RIMS2: variants seen among roughly 807,000 people sequenced by gnomAD.
RIMS2 encodes the protein regulating synaptic membrane exocytosis 2.
Under a neutral mutation model 174.4 loss-of-function variants are expected in RIMS2, and 59 were observed. The observed-to-expected ratio is 0.34, with a 90% confidence interval of 0.27 to 0.42. The LOEUF (loss-of-function observed/expected upper bound fraction) is 0.42, where lower values mean the gene tolerates loss of function less well. Among genes scored for constraint, RIMS2 ranks in the 10% least tolerant of loss-of-function variants. The pLI is 1.00. For missense variants in RIMS2, 1,620 were observed against 1,666.3 expected (o/e 0.97, Z 0.48); for synonymous variants, 606 against 572.5 (o/e 1.06, Z -0.84).
intron 3 of RIMS2, among the ~76,000 whole-genome samples, chr8:103,841,607 G>C (rs1039960051): frequency 6.6e-6 from 1 of 152,038 alleles, no homozygotes; most frequent in African/African-American, 2.4e-5. Context: ...AAATCTTACA[G>C]ATGGTTCTGA....
intron 17 of RIMS2, among the ~76,000 whole-genome samples, chr8:103,999,074 T>C (rs2095270324): frequency 1.3e-5 from 2 of 151,660 alleles, no homozygotes; most frequent in South Asian, 4.1e-4. Context: ...AGAAATAATG[T>C]GGTGGAAGGC....
At chr8:103,607,594 G>T (rs2095172319) in intron 1 of RIMS2, among the ~76,000 whole-genome samples, 1 of 145,792 alleles carries the variant, frequency 6.9e-6, no homozygotes, top group South Asian at 2.1e-4. Context: ...CCTGCAGAGT[G>T]TTTTCCAACT....
chr8:103,524,396 G>A (rs1255471502), intron 1 of RIMS2, among the ~76,000 whole-genome samples: 2 of 152,124 alleles, frequency 1.3e-5, no homozygotes, highest in Non-Finnish European at 2.9e-5. Flanking sequence ...CGAAAGTTGT[G>A]TGATTAAGAA....
At chr8:103,749,778 A>G (rs970883145) in intron 2 of RIMS2, among the ~76,000 whole-genome samples, 3 of 152,124 alleles carry the variant, frequency 2.0e-5, no homozygotes, top group African/African-American at 7.2e-5. Flanking sequence ...TAAAGGGATC[A>G]GGTGATTACA....
intron 19 of RIMS2, among the ~76,000 whole-genome samples, chr8:104,113,959 A>G (rs2098238576): frequency 6.6e-6 from 1 of 151,992 alleles, no homozygotes; most frequent in Admixed American, 6.6e-5. Flanking sequence ...AAAAATAACC[A>G]CAAATAAGGA....
chr8:103,911,426 A>G (rs2075647480), intron 5 of RIMS2, among the ~76,000 whole-genome samples: 1 of 152,172 alleles, frequency 6.6e-6, no homozygotes, highest in Non-Finnish European at 1.5e-5. Context: ...CCTCTGAGAA[A>G]TGAGAACTGT....
intron 3 of RIMS2, among the ~76,000 whole-genome samples, chr8:103,835,392 T>C (rs2098875358): frequency 6.6e-6 from 1 of 152,114 alleles, no homozygotes; most frequent in Non-Finnish European, 1.5e-5. Context: ...TGAGCCACCG[T>C]GCCTGGCCAA....
At chr8:103,569,702 G>A (rs984923861) in intron 1 of RIMS2, among the ~76,000 whole-genome samples, 4 of 151,554 alleles carry the variant, frequency 2.6e-5, no homozygotes, top group Admixed American at 2.0e-4. Flanking sequence ...CTGTAGCCTT[G>A]AAATCCTGGG....
intron 1 of RIMS2, among the ~76,000 whole-genome samples, chr8:103,669,183 C>T (rs191996944): frequency 2.8e-4 from 43 of 152,166 alleles, no homozygotes; most frequent in African/African-American, 5.3e-4. Context: ...GAGAGCCATG[C>T]GAAAGTGTTT....
intron 1 of RIMS2, among the ~76,000 whole-genome samples, chr8:103,533,268 A>C (rs2130968075): frequency 6.6e-6 from 1 of 152,342 alleles, no homozygotes; most frequent in East Asian, 1.9e-4. Flanking sequence ...TGGTGGGAAC[A>C]GTTTCTCAAA....
chr8:103,788,850 G>A (rs1032233437), intron 3 of RIMS2, among the ~76,000 whole-genome samples: 1 of 152,212 alleles, frequency 6.6e-6, no homozygotes, highest in Admixed American at 6.5e-5. Flanking sequence ...CTGGGCAATG[G>A]CGGGCGCCCC....
chr8:104,175,338 A>G (rs1378806267), intron 19 of RIMS2, among the ~76,000 whole-genome samples: 7 of 151,818 alleles, frequency 4.6e-5, no homozygotes, highest in Non-Finnish European at 1.0e-4. Context: ...GTAGGTGTAT[A>G]TATTTGTGGG....
At chr8:104,052,914 T>C (rs1317906935) in intron 19 of RIMS2, among the ~76,000 whole-genome samples, 1 of 152,046 alleles carries the variant, frequency 6.6e-6, no homozygotes, top group East Asian at 1.9e-4. Context: ...AAAAATCAGC[T>C]GAGAAAGATG....
intron 2 of RIMS2, among the ~76,000 whole-genome samples, chr8:103,702,985 G>GT (rs35590857): frequency 0.15 from 16,326 of 107,006 alleles, 1,235 homozygotes; most frequent in Non-Finnish European, 0.23. Context: ...TTGTGAGTTT[G>GT]TTTTTTTTTT....
chr8:103,616,557 A>T (rs549932970), intron 1 of RIMS2, among the ~76,000 whole-genome samples: 2 of 152,304 alleles, frequency 1.3e-5, no homozygotes, highest in South Asian at 2.1e-4. Flanking sequence ...GGGCATCCAG[A>T]TGGGAAGACA....
At chr8:103,860,736 CAAGT>C (rs1405131230) in intron 3 of RIMS2, among the ~76,000 whole-genome samples, 1 of 151,376 alleles carries the variant, frequency 6.6e-6, no homozygotes. Flanking sequence ...CTTCTAGGGT[CAAGT>C]AAGGGAAACT....
chr8:103,613,723 C>T lies in RIMS2; in HGVS notation c.177-83363C>T, dbSNP rs76948205. ...ACCTGGGTATCACTGCTGGTTATTCCGGGACCAAGGGCTCCTTAAGAGTCA... is the reference window on the plus strand; with the variant it reads ...ACCTGGGTATCACTGCTGGTTATTCTGGGACCAAGGGCTCCTTAAGAGTCA... On this transcript the variant is annotated intron_variant, in intron 1 of 23. Coordinates refer to ENST00000504942, the Ensembl canonical transcript of RIMS2. 4.2e-3 allele frequency among the ~76,000 whole-genome samples: 640 copies of T among 152,154 alleles called. 5 individuals are homozygous for T. Among genetic ancestry groups the T allele is most frequent in the Non-Finnish European group, 6.3e-3 (426 of 67,996 alleles).
chr8:103,690,128 T>C (rs932784312), intron 1 of RIMS2, among the ~76,000 whole-genome samples: 2 of 151,704 alleles, frequency 1.3e-5, no homozygotes, highest in Non-Finnish European at 2.9e-5. Context: ...GCCCAGCTAA[T>C]TTTTTTTGTA....
Position 103,815,340 on chromosome 8 carries a change from T to C in RIMS2, c.698+48803T>C, listed in dbSNP as rs529600744. Reference sequence around the variant, plus strand: ...TATCTTATTATTTTTATTTGCATTCTTTTGATTACTTTTAGATTGAACTTA... The same window carrying C: ...TATCTTATTATTTTTATTTGCATTCCTTTGATTACTTTTAGATTGAACTTA... On this transcript the variant is annotated intron_variant, in intron 3 of 23. Transcript: ENST00000504942. Among the ~76,000 whole-genome samples the C allele has an allele frequency of 3.3e-4, 51 of 152,314 alleles. No individual in the cohort carries two copies. The South Asian group carries it at 0.01, about 31-fold the overall frequency.
Sources: gnomAD v4.1 joint callset for allele counts (sites outside exome capture counted in the v4.1 genomes callset) on GRCh38, gnomAD v4.1.1 for gene constraint, MANE v1.5 for transcripts, NCBI Gene and HGNC (gene_info 2026-07-23, HGNC 2026-07-21) for gene names.